The following TNFSF8 variants were observed in gnomAD, a reference collection of about 807,000 sequenced individuals.
TNFSF8 encodes the protein TNF superfamily member 8, also known as tumor necrosis factor ligand superfamily member 8.
A neutral mutation model predicts 22.0 loss-of-function variants in TNFSF8; 4 were observed. That is an observed-to-expected ratio of 0.18 (90% CI 0.09 to 0.42). TNFSF8 has a LOEUF of 0.42. Ranked by LOEUF, TNFSF8 falls within the 10% of genes least tolerant of loss-of-function variation. The probability of loss-of-function intolerance (pLI) is 1.00; values close to 1 mark genes in which losing one functional copy is unlikely to be tolerated. For missense variants in TNFSF8, 233 were observed against 281.8 expected (o/e 0.83, Z 1.24); for synonymous variants, 106 against 112.5 (o/e 0.94, Z 0.37).
chr9:114,908,600 C>T (rs1827813385), intron 2 of TNFSF8, among the ~76,000 whole-genome samples: 1 of 151,938 alleles, frequency 6.6e-6, no homozygotes, highest in African/African-American at 2.4e-5. Flanking sequence ...TTGTTTTTTC[C>T]CCTTTGGGTT....
At chr9:114,925,098 A>G (rs1019561009) in intron 1 of TNFSF8, among the ~76,000 whole-genome samples, 1 of 152,180 alleles carries the variant, frequency 6.6e-6, no homozygotes, top group African/African-American at 2.4e-5. Context: ...TCAGCAAACA[A>G]GATGTGGGGT....
chr9:114,897,714 G>A (rs1394593478), downstream of TNFSF8, among the ~76,000 whole-genome samples: 1 of 152,200 alleles, frequency 6.6e-6, no homozygotes, highest in Non-Finnish European at 1.5e-5. Context: ...GCAGAGCATG[G>A]AAGATTGGAG....
chr9:114,924,455 G>C (rs1218794317), intron 1 of TNFSF8, among the ~76,000 whole-genome samples: 1 of 152,156 alleles, frequency 6.6e-6, no homozygotes, highest in Non-Finnish European at 1.5e-5. Context: ...TCTTGGCAAT[G>C]ATAATGGCAT....
intron 2 of TNFSF8, among the ~76,000 whole-genome samples, chr9:114,912,923 TG>T (rs1827870302): frequency 6.6e-6 from 1 of 152,228 alleles, no homozygotes; most frequent in South Asian, 2.1e-4. Context: ...CTTATAAAAT[TG>T]CAAATGTTAG....
At chr9:114,920,062 G>A (rs1827968788) in intron 1 of TNFSF8, among the ~76,000 whole-genome samples, 2 of 152,194 alleles carry the variant, frequency 1.3e-5, no homozygotes, top group Admixed American at 6.5e-5. Flanking sequence ...ACAAAGCTAA[G>A]TTTTTGTAGT....
Position 114,930,462 on chromosome 9 carries a change from G to C in TNFSF8, c.-159C>G, listed in dbSNP as rs2131353398. On this transcript the variant is annotated 5_prime_UTR_variant, in exon 1 of 4. Transcript: ENST00000223795. ...GCCTGGTGGAGAAACTCTTCTCTGG[G>C]GGCGTGAGGCGAGAGGCGGCAGCAA... 1.9e-6 allele frequency: 1 copy of C among 521,552 alleles called. No individual in the cohort carries two copies. 32.3% of individuals were successfully genotyped at this position (521,552 alleles called of 1,614,324 possible). A position where few individuals can be genotyped will look rare whatever the true frequency, so the allele number is the denominator to read the frequency against.
In TNFSF8 at chr9:114,903,397, A is replaced by C. The variant is rs1195401748; in HGVS notation, c.*534T>G. Reference sequence around the variant, plus strand: ...GACAGGCATAAACTGGGCATGGTTCAGTCACAAGTGTATCTGCCAGTATAG... The same window carrying C: ...GACAGGCATAAACTGGGCATGGTTCCGTCACAAGTGTATCTGCCAGTATAG... On this transcript the variant is annotated 3_prime_UTR_variant, in exon 4 of 4. Transcript: ENST00000223795. 1.3e-5 allele frequency: 2 copies of C among 152,624 alleles called. No individual in the cohort carries two copies. Among genetic ancestry groups the C allele is most frequent in the Non-Finnish European group, 2.9e-5 (2 of 68,438 alleles). 9.5% of individuals were successfully genotyped at this position (152,624 alleles called of 1,614,324 possible). A position where few individuals can be genotyped will look rare whatever the true frequency, so the allele number is the denominator to read the frequency against.
downstream of TNFSF8, among the ~76,000 whole-genome samples, chr9:114,897,413 A>G (rs1827668123): frequency 6.6e-6 from 1 of 152,084 alleles, no homozygotes; most frequent in African/African-American, 2.4e-5. Context: ...GGCTGTGATT[A>G]CCCAGTGCTA....
At chr9:114,907,177 G>C (rs1827795253) in intron 2 of TNFSF8, among the ~76,000 whole-genome samples, 1 of 152,178 alleles carries the variant, frequency 6.6e-6, no homozygotes, top group Non-Finnish European at 1.5e-5. Flanking sequence ...TCTGCTGTCT[G>C]AACAAGCTCA....
Position 114,901,213 on chromosome 9 carries a change from C to T in TNFSF8, c.*2718G>A. ...TTTTACTCATGGAGTATCATTTGCT[C>T]ATAACATTCCCAGGGGCTGGTTAAC... On this transcript the variant is annotated 3_prime_UTR_variant, in exon 4 of 4. Transcript: ENST00000223795. 1.0e-6 allele frequency: 1 copy of T among 985,396 alleles called. No homozygotes were observed. The highest frequency in any genetic ancestry group is 1.2e-6 in the Non-Finnish European group (1 of 829,932). 61.0% of individuals were successfully genotyped at this position (985,396 alleles called of 1,614,324 possible).
At chr9:114,925,671 A>G (rs1363521054) in intron 1 of TNFSF8, among the ~76,000 whole-genome samples, 1 of 152,216 alleles carries the variant, frequency 6.6e-6, no homozygotes, top group African/African-American at 2.4e-5. Context: ...TGGTGTGGAG[A>G]TAATTTAAAA....
At chr9:114,893,958 T>G in exon 5 of TNFSF8, 4 of 780,106 alleles carry the variant, frequency 5.1e-6, no homozygotes, top group South Asian at 3.1e-5. Flanking sequence ...GTGAACCGTT[T>G]CCTGGCTATG....
At chr9:114,898,180 T>C (rs1827676876), downstream of TNFSF8, among the ~76,000 whole-genome samples, 1 of 34,200 alleles carries the variant, frequency 2.9e-5, no homozygotes, top group African/African-American at 3.6e-4. Flanking sequence ...TTTTTTGTAT[T>C]TTTAGTAGAG....
intron 1 of TNFSF8, among the ~76,000 whole-genome samples, chr9:114,929,548 A>G (rs1334446623): frequency 6.6e-6 from 1 of 152,098 alleles, no homozygotes; most frequent in Non-Finnish European, 1.5e-5. Flanking sequence ...AAAAGCAAAA[A>G]CAAAACTCTT....
Position 114,902,486 on chromosome 9 carries a change from C to T in TNFSF8, c.*1445G>A, listed in dbSNP as rs1188891403. 2.0e-6 allele frequency: 2 copies of T among 985,240 alleles called. No homozygotes were observed. Among genetic ancestry groups the T allele is most frequent in the Admixed American group, 6.2e-5 (1 of 16,256 alleles). The allele number at this position is 985,240 out of a possible 1,614,324, so 61.0% of individuals were successfully genotyped here. A position where few individuals can be genotyped will look rare whatever the true frequency, so the allele number is the denominator to read the frequency against. On this transcript the variant is annotated 3_prime_UTR_variant, in exon 4 of 4. Transcript: ENST00000223795. The stretch of plus-strand genomic sequence containing the variant: ...ATCTAACTGGAATAGAGTCAGGCCT[C>T]GTCAGATGGTTTCCCAAACACCCAG...
intron 2 of TNFSF8, among the ~76,000 whole-genome samples, chr9:114,906,286 G>A (rs1421708250): frequency 2.0e-5 from 3 of 152,186 alleles, no homozygotes; most frequent in African/African-American, 4.8e-5. Context: ...AAATCTGGGG[G>A]CCACGCAGGT....
chr9:114,918,016 G>T, intron 2 of TNFSF8, 80 bp downstream of exon 2: 1 of 1,403,386 alleles, frequency 7.1e-7, no homozygotes, highest in Non-Finnish European at 9.8e-7. Flanking sequence ...AGTTGTTTCT[G>T]GTTGATAATC....
At chr9:114,897,972 T>C (rs1827674034), downstream of TNFSF8, among the ~76,000 whole-genome samples, 1 of 151,790 alleles carries the variant, frequency 6.6e-6, no homozygotes, top group African/African-American at 2.4e-5. Context: ...AGACTCTCAA[T>C]GTCCTTATAT....
rs2131340869 is a variant in TNFSF8, at chr9:114,903,941, T to C, written c.695A>G (p.Asn232Ser). 1.2e-6 allele frequency: 2 copies of C among 1,610,758 alleles called. No individual in the cohort carries two copies. The highest frequency in any genetic ancestry group is 1.7e-6 in the Non-Finnish European group (2 of 1,177,880). ...ENVLSIFLYSNSD is the reference protein window; with the variant it reads ...ENVLSIFLYSSSD ...GCCAAGAGAAACTGTTCAGTCTGAA[T>C]TACTGTATAAGAAGATGGACAACAC... The change falls in exon 4 of 4, where the codon AAT (asparagine) becomes AGT (serine). Residue 232 changes from asparagine to serine, a missense_variant. Transcript: ENST00000223795.
Sources: allele counts gnomAD v4.1 joint callset (sites outside exome capture counted in the v4.1 genomes callset), GRCh38; gene constraint gnomAD v4.1.1; transcripts MANE v1.5; gene names NCBI Gene and HGNC (gene_info 2026-07-23, HGNC 2026-07-21).